Variants in UQCC1 observed in about 807,000 individuals in gnomAD.
UQCC1 encodes ubiquinol-cytochrome c reductase complex assembly factor 1, also known as bFGF-repressed Zic-binding protein.
Under a neutral mutation model 48.0 loss-of-function variants are expected in UQCC1, and 38 were observed. The observed-to-expected ratio is 0.79, with a 90% CI of 0.61 to 1.04. The LOEUF (loss-of-function observed/expected upper bound fraction) is 1.04. Among genes scored for constraint, UQCC1 ranks in the 50% least tolerant of loss-of-function variants. The pLI, the probability that UQCC1 is intolerant of heterozygous loss-of-function variation, is 0.00. For synonymous variants in UQCC1, 111 were observed against 129.2 expected (o/e 0.86, Z 0.95); for missense variants, 368 against 381.8 (o/e 0.96, Z 0.30).
intron 7 of UQCC1, among the ~76,000 whole-genome samples, chr20:35,322,606 T>C (rs2061143679): frequency 6.6e-6 from 1 of 151,870 alleles, no homozygotes; most frequent in Admixed American, 6.6e-5. Flanking sequence ...TAGTGGCGCA[T>C]ACCTGTAGTC....
chr20:35,336,108 A>G (rs117875609), intron 7 of UQCC1, among the ~76,000 whole-genome samples: 1 of 152,240 alleles, frequency 6.6e-6, no homozygotes. Context: ...GAAAGAAACA[A>G]CACTTGGGTT....
At chr20:35,350,756 G>A (rs556797568) in intron 6 of UQCC1, among the ~76,000 whole-genome samples, 1 of 149,052 alleles carries the variant, frequency 6.7e-6, no homozygotes, top group South Asian at 2.2e-4. Flanking sequence ...TTCGAAACTT[G>A]TAGGCCAGGC....
intron 6 of UQCC1, among the ~76,000 whole-genome samples, chr20:35,360,201 T>TG (rs1222326579): frequency 2.0e-5 from 3 of 152,156 alleles, no homozygotes; most frequent in South Asian, 2.1e-4. Flanking sequence ...CAACTCTGGC[T>TG]GGGGGAGGGC....
intron 7 of UQCC1, among the ~76,000 whole-genome samples, chr20:35,317,061 G>C (rs568438832): frequency 6.6e-6 from 1 of 151,766 alleles, no homozygotes; most frequent in Non-Finnish European, 1.5e-5. Flanking sequence ...TCAGCCTCCC[G>C]AGCAGCTGGG....
At chr20:35,354,553 C>G (rs2061524942) in intron 6 of UQCC1, among the ~76,000 whole-genome samples, 1 of 152,132 alleles carries the variant, frequency 6.6e-6, no homozygotes, top group Non-Finnish European at 1.5e-5. Flanking sequence ...CCCGCCACCA[C>G]ACCGGGCTAA....
At chr20:35,360,067 T>C (rs781026956) in intron 6 of UQCC1, among the ~76,000 whole-genome samples, 1 of 152,106 alleles carries the variant, frequency 6.6e-6, no homozygotes, top group African/African-American at 2.4e-5. Flanking sequence ...TCAGATCCAC[T>C]ATAAAGAATA....
intron 7 of UQCC1, among the ~76,000 whole-genome samples, chr20:35,342,623 C>T (rs1406991616): frequency 1.3e-5 from 2 of 152,208 alleles, no homozygotes; most frequent in Non-Finnish European, 2.9e-5. Flanking sequence ...TTTACTCTTA[C>T]CAACACTCAG....
At chr20:35,390,421 CAAA>C (rs200508947) in intron 2 of UQCC1, among the ~76,000 whole-genome samples, 3 of 69,482 alleles carry the variant, frequency 4.3e-5, no homozygotes, top group African/African-American at 5.4e-5. Flanking sequence ...AACTCCGTCT[CAAA>C]AAAAAAAAAA....
intron 7 of UQCC1, among the ~76,000 whole-genome samples, chr20:35,338,892 A>AAAAAAAAAAAAAAAT (rs1555805500): frequency 3.3e-5 from 1 of 30,560 alleles, no homozygotes; most frequent in Non-Finnish European, 4.8e-5. Flanking sequence ...AAAAAAAAAA[A>AAAAAAAAAAAAAAAT]ATATATATAT....
intron 6 of UQCC1, among the ~76,000 whole-genome samples, chr20:35,356,210 A>G (rs533772559): frequency 7.6e-4 from 116 of 152,352 alleles, no homozygotes; most frequent in African/African-American, 2.6e-3. Context: ...ATTCTCAGAC[A>G]TTAAGAAAAA....
rs1334245945 is a variant in UQCC1 at position 35,394,087 on chromosome 20, C to A, written c.129+5G>T. On this transcript the variant is annotated splice_donor_5th_base_variant and intron_variant, in intron 2 of 9. Transcript: ENST00000374385. ...CATACTAAGCAAAAGAACAACAAAT[C>A]TTACCTGGGAAGTGCGAGACAGAGC... The A allele has an allele frequency of 1.2e-6, 2 of 1,612,244 alleles. No individual in the cohort carries two copies. Among genetic ancestry groups the A allele is most frequent in the Admixed American group, 3.3e-5 (2 of 59,986 alleles).
At chr20:35,338,401 A>G (rs1338636604) in intron 7 of UQCC1, among the ~76,000 whole-genome samples, 2 of 152,060 alleles carry the variant, frequency 1.3e-5, no homozygotes, top group Non-Finnish European at 2.9e-5. Flanking sequence ...AGTAAAGAGG[A>G]CACTGGACTG....
chr20:35,402,624 A>G (rs2062183531), intron 1 of UQCC1, among the ~76,000 whole-genome samples: 1 of 148,578 alleles, frequency 6.7e-6, no homozygotes, highest in South Asian at 2.1e-4. Flanking sequence ...AAATATATAT[A>G]TATATATAAT....
At chr20:35,376,285 G>T (rs1393162963) in intron 4 of UQCC1, among the ~76,000 whole-genome samples, 1 of 151,934 alleles carries the variant, frequency 6.6e-6, no homozygotes, top group Non-Finnish European at 1.5e-5. Context: ...TCCAGCCTGG[G>T]CGACAGAGCC....
chr20:35,305,200 C>T (rs1312347038), intron 9 of UQCC1, among the ~76,000 whole-genome samples: 1 of 152,196 alleles, frequency 6.6e-6, no homozygotes, highest in Non-Finnish European at 1.5e-5. Flanking sequence ...AGGACTGGGT[C>T]TTATTAATCG....
intron 5 of UQCC1, 139 bp from the exon 6 acceptor site, chr20:35,366,753 G>A (rs373443102): frequency 5.8e-5 from 37 of 643,408 alleles, no homozygotes; most frequent in South Asian, 4.2e-4. Flanking sequence ...ACAATAGGGC[G>A]AGACCACAGG....
rs917192246 is a variant in UQCC1 at position 35,312,944 on chromosome 20, A to G, written c.651+1744T>C. Reference sequence around the variant, plus strand: ...TATTGTTCAATAGGGACAGAGTTTCAGTTTGGAAGATGGAAAAGCTCTGGA... The same window carrying G: ...TATTGTTCAATAGGGACAGAGTTTCGGTTTGGAAGATGGAAAAGCTCTGGA... On this transcript the variant is annotated intron_variant, in intron 8 of 9. Transcript: ENST00000374385. Among the ~76,000 whole-genome samples, 4 of 152,348 alleles carry G rather than the reference A, an allele frequency of 2.6e-5. No homozygotes were observed. The South Asian group carries it at 6.2e-4, about 24-fold the overall frequency.
intron 5 of UQCC1, among the ~76,000 whole-genome samples, chr20:35,369,262 C>T (rs949889693): frequency 1.3e-5 from 2 of 152,224 alleles, no homozygotes; most frequent in Non-Finnish European, 2.9e-5. Context: ...AGTCCCTATA[C>T]ACACTGGTGT....
intron 2 of UQCC1, chr20:35,384,614 C>G (rs1470857836): frequency 2.2e-6 from 1 of 446,608 alleles, no homozygotes; most frequent in Non-Finnish European, 4.4e-6. Flanking sequence ...TGCACTTCAA[C>G]CTGGGCGACT....
Sources: gnomAD v4.1 joint callset for allele counts (sites outside exome capture counted in the v4.1 genomes callset) on GRCh38, gnomAD v4.1.1 for gene constraint, MANE v1.5 for transcripts, NCBI Gene and HGNC (gene_info 2026-07-23, HGNC 2026-07-21) for gene names.